Variants in SMYD3 observed in about 807,000 individuals in gnomAD.
The protein encoded by SMYD3 is SET and MYND domain containing 3, also known as histone-lysine N-methyltransferase SMYD3.
A neutral mutation model predicts 57.7 loss-of-function variants in SMYD3; 36 were observed. The ratio of observed to expected loss-of-function variants is 0.62; its 90% confidence interval spans 0.48 to 0.82. The LOEUF is 0.82. Ranked by LOEUF, SMYD3 falls within the 40% of genes least tolerant of loss-of-function variation. SMYD3 has a pLI of 0.00. For missense variants in SMYD3, 515 were observed against 538.8 expected (o/e 0.96, Z 0.44); for synonymous variants, 211 against 195.0 (o/e 1.08, Z -0.68).
chr1:246,255,933 GATAGATAGATA>G (rs1558353894), intron 5 of SMYD3, among the ~76,000 whole-genome samples: 2,907 of 117,982 alleles, frequency 0.025, 56 homozygotes, highest in African/African-American at 0.042. Context: ...TAATAAGATA[GATAGATAGATA>G]GATAGATAGA....
At chr1:246,271,838 T>C (rs913076445) in intron 5 of SMYD3, among the ~76,000 whole-genome samples, 6 of 152,238 alleles carry the variant, frequency 3.9e-5, no homozygotes, top group African/African-American at 1.4e-4. Flanking sequence ...AAAAACATCA[T>C]TGCGATTTTG....
At chr1:246,245,375 AG>A (rs1483323317) in intron 5 of SMYD3, among the ~76,000 whole-genome samples, 7 of 152,192 alleles carry the variant, frequency 4.6e-5, no homozygotes, top group African/African-American at 1.7e-4. Context: ...CCTGGGAAGC[AG>A]AGGCTGCAGT....
At chr1:245,934,216 G>A (rs1043552819) in intron 5 of SMYD3, among the ~76,000 whole-genome samples, 1 of 152,158 alleles carries the variant, frequency 6.6e-6, no homozygotes, top group Non-Finnish European at 1.5e-5. Context: ...GGAGTTTAAT[G>A]TACTTAGTTT....
rs139121116 is a variant in SMYD3, at chr1:246,216,147, C to T, written c.531+111054G>A. On this transcript the variant is annotated intron_variant, in intron 5 of 11. Transcript: ENST00000490107. Reference sequence around the variant, plus strand: ...TACTAAAAATACAAAATTAGCCAAGCGTGATGGTGCACACCTGCAATCCCA... The same window carrying T: ...TACTAAAAATACAAAATTAGCCAAGTGTGATGGTGCACACCTGCAATCCCA... Among the ~76,000 whole-genome samples, 9 of 152,058 alleles carry T rather than the reference C, an allele frequency of 5.9e-5. No homozygotes were observed. In the East Asian group the frequency reaches 1.7e-3, roughly 29 times the overall value.
intron 5 of SMYD3, among the ~76,000 whole-genome samples, chr1:246,114,671 G>A (rs901048562): frequency 1.3e-5 from 2 of 152,042 alleles, no homozygotes; most frequent in African/African-American, 4.8e-5. Flanking sequence ...TCACTCTGTC[G>A]CCAGGCTGGA....
chr1:246,181,562 A>C (rs1229818035), intron 5 of SMYD3, among the ~76,000 whole-genome samples: 2 of 152,192 alleles, frequency 1.3e-5, no homozygotes, highest in African/African-American at 4.8e-5. Context: ...GCAACCAAAG[A>C]TCTCCTCTAC....
chr1:245,858,983 T>G (rs1047413009), intron 9 of SMYD3, among the ~76,000 whole-genome samples: 2 of 152,232 alleles, frequency 1.3e-5, no homozygotes, highest in Non-Finnish European at 2.9e-5. Flanking sequence ...CATAAATAAA[T>G]GCAGTCCTTT....
intron 8 of SMYD3, among the ~76,000 whole-genome samples, chr1:245,903,196 A>G (rs1207468039): frequency 6.6e-6 from 1 of 152,204 alleles, no homozygotes; most frequent in Non-Finnish European, 1.5e-5. Context: ...CAAAATTAAA[A>G]AATATAATCG....
At chr1:246,269,157 C>T (rs1050604137) in intron 5 of SMYD3, among the ~76,000 whole-genome samples, 4 of 152,150 alleles carry the variant, frequency 2.6e-5, no homozygotes, top group African/African-American at 2.4e-5. Context: ...GGTTAAGGCC[C>T]AACTACATGA....
At chr1:246,375,886 C>G (rs1364293300) in intron 1 of SMYD3, among the ~76,000 whole-genome samples, 2 of 151,978 alleles carry the variant, frequency 1.3e-5, no homozygotes, top group African/African-American at 2.4e-5. Context: ...TGCACCACCA[C>G]GCCTGGCTCA....
At chr1:245,779,464 T>C (rs930227022) in intron 10 of SMYD3, among the ~76,000 whole-genome samples, 3 of 152,226 alleles carry the variant, frequency 2.0e-5, no homozygotes, top group Non-Finnish European at 4.4e-5. Context: ...GTCAACAGGC[T>C]AGTTCTCCAT....
At chr1:246,043,228 T>G (rs552304855) in intron 5 of SMYD3, among the ~76,000 whole-genome samples, 1 of 152,352 alleles carries the variant, frequency 6.6e-6, no homozygotes, top group South Asian at 2.1e-4. Flanking sequence ...ATTTATGATA[T>G]TCACACAAAA....
At chr1:245,883,056 A>G (rs1367023541) in intron 8 of SMYD3, among the ~76,000 whole-genome samples, 2 of 152,226 alleles carry the variant, frequency 1.3e-5, no homozygotes, top group Non-Finnish European at 2.9e-5. Flanking sequence ...CATAATTGAC[A>G]ATATTAGCAA....
chr1:246,409,319 T>A (rs2066921982), intron 1 of SMYD3, among the ~76,000 whole-genome samples: 1 of 152,242 alleles, frequency 6.6e-6, no homozygotes, highest in Admixed American at 6.5e-5. Flanking sequence ...GTCTGACATG[T>A]AAGTCTTTAA....
chr1:246,300,087 A>G (rs2064867378), intron 5 of SMYD3, among the ~76,000 whole-genome samples: 1 of 151,648 alleles, frequency 6.6e-6, no homozygotes, highest in Non-Finnish European at 1.5e-5. Flanking sequence ...CCATTAAAAA[A>G]TTATACGTGG....
intron 5 of SMYD3, among the ~76,000 whole-genome samples, chr1:246,220,017 C>A (rs868254890): frequency 2.0e-4 from 30 of 152,166 alleles, no homozygotes; most frequent in South Asian, 4.1e-4. Flanking sequence ...GCAAGTCCCA[C>A]GAGGGTGTCA....
chr1:246,240,243 A>T (rs181703894), intron 5 of SMYD3, among the ~76,000 whole-genome samples: 8,089 of 152,256 alleles, frequency 0.053, 281 homozygotes, highest in Middle Eastern at 0.16. Context: ...TTAAGTCTTT[A>T]ATCCATCTTG....
intron 1 of SMYD3, among the ~76,000 whole-genome samples, chr1:246,429,657 C>T (rs1340828083): frequency 6.6e-6 from 1 of 152,220 alleles, no homozygotes; most frequent in Non-Finnish European, 1.5e-5. Flanking sequence ...AAAGAGTCGT[C>T]AGAGGCCTCA....
At chr1:246,143,017 T>C (rs1323213394) in intron 5 of SMYD3, among the ~76,000 whole-genome samples, 3 of 152,108 alleles carry the variant, frequency 2.0e-5, no homozygotes, top group African/African-American at 7.2e-5. Flanking sequence ...TGGTAAGAAA[T>C]AATTGCCACC....
Sources: gnomAD v4.1 joint callset for allele counts (sites outside exome capture counted in the v4.1 genomes callset) on GRCh38, gnomAD v4.1.1 for gene constraint, MANE v1.5 for transcripts, NCBI Gene and HGNC (gene_info 2026-07-23, HGNC 2026-07-21) for gene names.